The following GINS1 variants were observed in gnomAD, a reference collection of about 807,000 sequenced individuals.
GINS1 encodes GINS complex subunit 1, also known as DNA replication complex GINS protein PSF1.
In GINS1, 26 loss-of-function variants were observed where a neutral mutation model predicts 34.9. The observed-to-expected ratio is 0.74, with a 90% confidence interval of 0.55 to 1.03. The LOEUF (loss-of-function observed/expected upper bound fraction) is 1.03. Ranked by LOEUF, GINS1 falls within the 50% of genes least tolerant of loss-of-function variation. The pLI is 0.00. For missense variants in GINS1, 235 were observed against 237.9 expected (o/e 0.99, Z 0.08); for synonymous variants, 97 against 84.4 (o/e 1.15, Z -0.82).
rs188455172 is a variant in GINS1 at position 25,420,144 on chromosome 20, A to T, written c.330+1949A>T. Among the ~76,000 whole-genome samples, 109 of 150,594 alleles carry T rather than the reference A, an allele frequency of 7.2e-4. 1 individual carries two copies. Among genetic ancestry groups the T allele is most frequent in the African/African-American group, 2.1e-3 (88 of 41,018 alleles). ...TTAACAGCAAATAAAATATATATAT[A>T]TTTTTTTGAGATGGAGTCTCGCTCT... On this transcript the variant is annotated intron_variant, in intron 4 of 6. Coordinates refer to ENST00000262460, the MANE Select transcript of GINS1 (RefSeq NM_021067.5).
intron 6 of GINS1, among the ~76,000 whole-genome samples, chr20:25,442,334 A>ATCTG (rs542531370): frequency 1.7e-3 from 235 of 135,490 alleles, no homozygotes; most frequent in African/African-American, 5.8e-3. Flanking sequence ...CCATCTATCT[A>ATCTG]TCTATCTGTC....
At chr20:25,416,975 T>C (rs962839922) in intron 2 of GINS1, 129 bp from the exon 3 acceptor site, 1 of 546,902 alleles carries the variant, frequency 1.8e-6, no homozygotes, top group Non-Finnish European at 3.2e-6. Flanking sequence ...ATAGTTATTA[T>C]TTGCTTAGGT....
chr20:25,417,095 T>C lies in GINS1; in HGVS notation c.141-9T>C. On this transcript the variant is annotated splice_polypyrimidine_tract_variant and intron_variant, in intron 2 of 6. Coordinates refer to ENST00000262460, the MANE Select transcript of GINS1 (RefSeq NM_021067.5). ...ACATATTTTTTTTCTTTTTAAATGC[T>C]CCTATCAGGAATGAAGCAAAGTCAG... The C allele has an allele frequency of 2.3e-6, 3 of 1,317,108 alleles. No individual in the cohort carries two copies. The highest frequency in any genetic ancestry group is 1.5e-5 in the African/African-American group (1 of 68,728). The allele number at this position is 1,317,108 out of a possible 1,614,324, so 81.6% of individuals were successfully genotyped here.
In GINS1 at chr20:25,425,338, CT is replaced by C; in HGVS notation, c.447+16del. The C allele has an allele frequency of 9.2e-7, 1 of 1,085,096 alleles. No homozygotes were observed. Among genetic ancestry groups the C allele is most frequent in the East Asian group, 2.4e-5 (1 of 42,240 alleles). The allele number at this position is 1,085,096 out of a possible 1,614,324, so 67.2% of individuals were successfully genotyped here. ...AGCCTATATATTGAAGTATGTATAT[CT>C]TTTTAAAATGCATTTTTCTTTAATG... On this transcript the variant is annotated intron_variant, in intron 5 of 6. Coordinates refer to ENST00000262460, the MANE Select transcript of GINS1 (RefSeq NM_021067.5).
At chr20:25,430,240 T>A (rs2090419525) in intron 5 of GINS1, among the ~76,000 whole-genome samples, 2 of 152,204 alleles carry the variant, frequency 1.3e-5, no homozygotes, top group South Asian at 4.1e-4. Flanking sequence ...TTGAATATGA[T>A]GTTTGCTGTA....
chr20:25,437,554 G>A (rs6107039), intron 5 of GINS1, among the ~76,000 whole-genome samples: 14,571 of 152,266 alleles, frequency 0.096, 759 homozygotes, highest in Non-Finnish European at 0.11. Flanking sequence ...GAGTCTGCCC[G>A]TGCAGTTGTT....
At chr20:25,440,521 G>A (rs1351298105) in intron 5 of GINS1, among the ~76,000 whole-genome samples, 2 of 152,012 alleles carry the variant, frequency 1.3e-5, no homozygotes, top group African/African-American at 4.8e-5. Flanking sequence ...ATTTAGAGAA[G>A]CAAATGCGGC....
At chr20:25,415,615 G>T (rs1243471071) in intron 2 of GINS1, among the ~76,000 whole-genome samples, 7 of 151,642 alleles carry the variant, frequency 4.6e-5, no homozygotes, top group Non-Finnish European at 1.0e-4. Flanking sequence ...AACCTGGGAG[G>T]CGGAGGTTGT....
chr20:25,413,254 G>A (rs1048380191), intron 1 of GINS1, among the ~76,000 whole-genome samples: 1 of 151,974 alleles, frequency 6.6e-6, no homozygotes, highest in Non-Finnish European at 1.5e-5. Context: ...TCACCATGTT[G>A]ACCAGGCTGG....
At chr20:25,413,512 T>TAG (rs947659798) in intron 1 of GINS1, 11 of 374,766 alleles carry the variant, frequency 2.9e-5, no homozygotes, top group African/African-American at 2.2e-4. Context: ...AGGAGTAAAA[T>TAG]TACTGAGTCA....
intron 4 of GINS1, 85 bp downstream of exon 4, chr20:25,418,280 C>A: frequency 1.2e-6 from 1 of 847,858 alleles, no homozygotes; most frequent in Non-Finnish European, 2.0e-6. Flanking sequence ...TGGTATTCCT[C>A]TTTTTGTGTT....
rs1232789317 is a variant in GINS1, at chr20:25,407,919, G to C, written c.75+24G>C. ...ACGTGAGGGGCGGGTAGACTTGGAC[G>C]GGGCATGCCGGCGTTGGGCCCTGGG... On this transcript the variant is annotated intron_variant, in intron 1 of 6. Transcript: ENST00000262460. The C allele has an allele frequency of 2.5e-6, 4 of 1,580,300 alleles. No individual in the cohort carries two copies. In the South Asian group the frequency reaches 4.4e-5, roughly 18 times the overall value.
chr20:25,428,686 G>T (rs1202661797), intron 5 of GINS1, among the ~76,000 whole-genome samples: 3 of 151,724 alleles, frequency 2.0e-5, no homozygotes, highest in African/African-American at 4.8e-5. Context: ...TTACAGGTGT[G>T]AGCCACCGCA....
chr20:25,445,135 T>C (rs1460258758), intron 6 of GINS1, among the ~76,000 whole-genome samples: 5 of 152,208 alleles, frequency 3.3e-5, no homozygotes, highest in Admixed American at 3.3e-4. Context: ...TTTGTAAAAG[T>C]CAGAATTCCA....
chr20:25,426,777 G>A (rs932096157), intron 5 of GINS1, among the ~76,000 whole-genome samples: 3 of 151,692 alleles, frequency 2.0e-5, no homozygotes, highest in Non-Finnish European at 2.9e-5. Context: ...CTCCCTCCTC[G>A]GCCTCCCAAA....
intron 2 of GINS1, among the ~76,000 whole-genome samples, chr20:25,416,836 T>C (rs1322279474): frequency 2.0e-5 from 3 of 152,212 alleles, no homozygotes; most frequent in African/African-American, 7.2e-5. Flanking sequence ...TTAGAAAGAA[T>C]AGAGATTAAT....
chr20:25,411,477 G>A (rs561343684), intron 1 of GINS1, among the ~76,000 whole-genome samples: 2 of 152,218 alleles, frequency 1.3e-5, no homozygotes, highest in African/African-American at 2.4e-5. Flanking sequence ...CTTCTCTTTC[G>A]ATTGTTGGCA....
At chr20:25,429,725 T>C (rs1307122000) in intron 5 of GINS1, among the ~76,000 whole-genome samples, 1 of 152,224 alleles carries the variant, frequency 6.6e-6, no homozygotes, top group Non-Finnish European at 1.5e-5. Flanking sequence ...TGTGGAATCA[T>C]TAAAATTTTC....
intron 2 of GINS1, among the ~76,000 whole-genome samples, chr20:25,416,130 C>T (rs2090319220): frequency 6.6e-6 from 1 of 152,040 alleles, no homozygotes; most frequent in Non-Finnish European, 1.5e-5. Context: ...ATGCTGGTTG[C>T]TGTGTGGAGG....
Sources: allele counts gnomAD v4.1 joint callset (sites outside exome capture counted in the v4.1 genomes callset), GRCh38; gene constraint gnomAD v4.1.1; transcripts MANE v1.5; gene names NCBI Gene and HGNC (gene_info 2026-07-23, HGNC 2026-07-21).